The following UAP1 variants were observed in gnomAD, a reference collection of about 807,000 sequenced individuals.
The protein encoded by UAP1 is UDP-N-acetylglucosamine pyrophosphorylase 1.
In UAP1, 25 loss-of-function variants were observed where a neutral mutation model predicts 58.5. The ratio of observed to expected loss-of-function variants is 0.43; its 90% CI spans 0.31 to 0.60. The LOEUF is 0.60. Among genes scored for constraint, UAP1 ranks in the 20% least tolerant of loss-of-function variants. The pLI is 0.11. For missense variants in UAP1, 575 were observed against 630.0 expected (o/e 0.91, Z 0.93); for synonymous variants, 208 against 213.0 (o/e 0.98, Z 0.21).
chr1:162,597,778 G>A lies in UAP1; in HGVS notation c.1410-14G>A. 1.2e-6 allele frequency: 2 copies of A among 1,609,500 alleles called. No homozygotes were observed. Among genetic ancestry groups the A allele is most frequent in the South Asian group, 1.1e-5 (1 of 90,504 alleles). ...GAAGCAAAGTCTTTAACACATACTTGTTTTTTTTCTTAGCTTGAAGGATGC... is the reference window on the plus strand; with the variant it reads ...GAAGCAAAGTCTTTAACACATACTTATTTTTTTTCTTAGCTTGAAGGATGC... On this transcript the variant is annotated splice_polypyrimidine_tract_variant and intron_variant, in intron 9 of 10. Transcript: ENST00000271469.
At chr1:162,562,991 A>T (rs908582166) in intron 1 of UAP1, among the ~76,000 whole-genome samples, 2 of 152,162 alleles carry the variant, frequency 1.3e-5, no homozygotes, top group Non-Finnish European at 2.9e-5. Context: ...TTATTACCAA[A>T]TTTTTCATAT....
At chr1:162,595,612 C>G (rs1483468101) in intron 9 of UAP1, among the ~76,000 whole-genome samples, 1 of 152,138 alleles carries the variant, frequency 6.6e-6, no homozygotes, top group East Asian at 1.9e-4. Flanking sequence ...AGACAACAAG[C>G]ATTCGTAGGC....
chr1:162,589,203 ATTT>A (rs1406407778), intron 7 of UAP1, among the ~76,000 whole-genome samples: 45 of 45,920 alleles, frequency 9.8e-4, no homozygotes, highest in African/African-American at 2.9e-3. Flanking sequence ...TATATATTAT[ATTT>A]AAATATATAT....
At chr1:162,570,631 A>G (rs1200362356) in intron 2 of UAP1, among the ~76,000 whole-genome samples, 1 of 152,222 alleles carries the variant, frequency 6.6e-6, no homozygotes, top group Non-Finnish European at 1.5e-5. Flanking sequence ...CTCTGCTATC[A>G]AAAACTGGTT....
At chr1:162,577,179 T>C (rs1436695380) in intron 3 of UAP1, among the ~76,000 whole-genome samples, 198 bp downstream of exon 3, 1 of 152,090 alleles carries the variant, frequency 6.6e-6, no homozygotes, top group Non-Finnish European at 1.5e-5. Context: ...ATAAGCAATA[T>C]ATACTCACCG....
intron 7 of UAP1, 24 bp from the exon 8 acceptor site, chr1:162,590,299 G>A: frequency 1.3e-6 from 2 of 1,582,886 alleles, no homozygotes. Flanking sequence ...ATAATAAAGA[G>A]GTCTTTATAT....
At chr1:162,594,721 C>G (rs1302629289) in intron 9 of UAP1, among the ~76,000 whole-genome samples, 1 of 152,206 alleles carries the variant, frequency 6.6e-6, no homozygotes, top group Non-Finnish European at 1.5e-5. Flanking sequence ...TAACTGAAGA[C>G]AGCATCTAGC....
downstream of UAP1, among the ~76,000 whole-genome samples, chr1:162,600,598 C>T (rs532336459): frequency 6.7e-6 from 1 of 149,840 alleles, no homozygotes; most frequent in South Asian, 2.1e-4. Context: ...AACAAGTTGT[C>T]ACAAGATAGG....
chr1:162,571,743 C>T (rs1368021067), intron 2 of UAP1, among the ~76,000 whole-genome samples: 1 of 152,316 alleles, frequency 6.6e-6, no homozygotes, highest in East Asian at 1.9e-4. Context: ...TAATTCAAAA[C>T]AGCATTTTAT....
chr1:162,587,928 C>T (rs1388890687), intron 6 of UAP1: 5 of 358,790 alleles, frequency 1.4e-5, no homozygotes, highest in Admixed American at 8.2e-5. Flanking sequence ...CCACCCCCAA[C>T]TATGTGCTAG....
At chr1:162,575,654 C>G (rs1374255841) in intron 2 of UAP1, among the ~76,000 whole-genome samples, 1 of 150,350 alleles carries the variant, frequency 6.7e-6, no homozygotes, top group Non-Finnish European at 1.5e-5. Context: ...CTGGTGTGGT[C>G]TGGAACTCCT....
rs1653510684 is a variant in UAP1, at chr1:162,566,415, G to C, written c.280+67G>C. 15 of 1,478,550 alleles carry C rather than the reference G, an allele frequency of 1.0e-5. No individual in the cohort carries two copies. The East Asian group carries it at 3.4e-4, about 34-fold the overall frequency. The allele number at this position is 1,478,550 out of a possible 1,614,324, so 91.6% of individuals were successfully genotyped here. ...ATATACTAAAATTGTTCAGGTAGCT[G>C]GATCATGTCACTAATATTTTGATTC... is the stretch of plus-strand genomic sequence containing the variant. On this transcript the variant is annotated intron_variant, in intron 2 of 10. Coordinates refer to ENST00000271469, the Ensembl canonical transcript of UAP1.
At chr1:162,577,593 C>T (rs557119213) in intron 3 of UAP1, among the ~76,000 whole-genome samples, 81 of 151,462 alleles carry the variant, frequency 5.3e-4, no homozygotes, top group South Asian at 1.3e-3. Flanking sequence ...GGAATACAGG[C>T]ACCTGCCACC....
In UAP1 at chr1:162,588,923, A is replaced by G. The variant is rs1655082857; in HGVS notation, c.1169+90A>G. The G allele has an allele frequency of 3.9e-6, 5 of 1,267,968 alleles. 1 individual carries two copies. The Admixed American group carries it at 1.0e-4, about 26-fold the overall frequency. 78.5% of individuals were successfully genotyped at this position (1,267,968 alleles called of 1,614,324 possible). A position where few individuals can be genotyped will look rare whatever the true frequency, so the allele number is the denominator to read the frequency against. ...AGGCATGAAACTGTTTTCAGGAAACATTTGATAGCACATATCTCACATGGC... is the reference window on the plus strand; with the variant it reads ...AGGCATGAAACTGTTTTCAGGAAACGTTTGATAGCACATATCTCACATGGC... On this transcript the variant is annotated intron_variant, in intron 7 of 10. Transcript: ENST00000271469.
At chr1:162,573,084 A>G (rs1653965194) in intron 2 of UAP1, among the ~76,000 whole-genome samples, 1 of 152,174 alleles carries the variant, frequency 6.6e-6, no homozygotes. Flanking sequence ...AATGTCTTGA[A>G]AGGTTCCCTG....
At chr1:162,565,249 A>G (rs1653417869) in intron 1 of UAP1, among the ~76,000 whole-genome samples, 1 of 152,184 alleles carries the variant, frequency 6.6e-6, no homozygotes, top group Non-Finnish European at 1.5e-5. Flanking sequence ...ATTTGTCTGT[A>G]TTGGGCAAGT....
At chr1:162,563,356 C>T (rs1557961408) in intron 1 of UAP1, among the ~76,000 whole-genome samples, 1 of 151,818 alleles carries the variant, frequency 6.6e-6, no homozygotes, top group East Asian at 1.9e-4. Flanking sequence ...TATGAGGTAC[C>T]CTTTTTTTTT....
intron 2 of UAP1, among the ~76,000 whole-genome samples, chr1:162,572,542 A>G (rs1249065417): frequency 1.3e-5 from 2 of 152,246 alleles, no homozygotes; most frequent in Non-Finnish European, 2.9e-5. Context: ...GAAGTCAGGA[A>G]GAAGGTTGGC....
At chr1:162,601,180 A>C (rs1655880397), downstream of UAP1, among the ~76,000 whole-genome samples, 2 of 152,246 alleles carry the variant, frequency 1.3e-5, no homozygotes, top group South Asian at 4.1e-4. Context: ...AATTCAGAAA[A>C]TACAGAATTG....
Sources: gnomAD v4.1 joint callset for allele counts (sites outside exome capture counted in the v4.1 genomes callset) on GRCh38, gnomAD v4.1.1 for gene constraint, MANE v1.5 for transcripts, NCBI Gene and HGNC (gene_info 2026-07-23, HGNC 2026-07-21) for gene names.